The following FOLH1 variants were observed in gnomAD, a reference collection of about 807,000 sequenced individuals.
The protein encoded by FOLH1 is glutamate carboxypeptidase 2.
In FOLH1, 54 loss-of-function variants were observed where a neutral mutation model predicts 93.9. The ratio of observed to expected loss-of-function variants is 0.57; its 90% CI spans 0.46 to 0.72. The LOEUF (loss-of-function observed/expected upper bound fraction) is 0.72. FOLH1 is among the 30% of genes least tolerant of loss of function. The pLI, the probability that FOLH1 is intolerant of heterozygous loss-of-function variation, is 0.00. For missense variants in FOLH1, 571 were observed against 892.5 expected, an observed-to-expected ratio of 0.64 and a Z score of 4.59; for synonymous variants, 249 against 303.6, an observed-to-expected ratio of 0.82 and a Z score of 1.87.
At chr11:49,160,690 C>T (rs1225841987) in intron 13 of FOLH1, among the ~76,000 whole-genome samples, 2 of 152,304 alleles carry the variant, frequency 1.3e-5, no homozygotes, top group East Asian at 3.9e-4. Context: ...GATCTGCCCT[C>T]CTCGGCCTCC....
At chr11:49,194,132 C>CAAAAAAAAAA (rs55656827) in intron 3 of FOLH1, among the ~76,000 whole-genome samples, 3 of 71,578 alleles carry the variant, frequency 4.2e-5, no homozygotes, top group Admixed American at 1.9e-4. Context: ...GCCTGGGTGA[C>CAAAAAAAAAA]AAAAAAAAAA....
At position 49,186,789 on chromosome 11, in the gene FOLH1, C is replaced by T. The variant is rs1254124753; in HGVS notation, c.514-20G>A. On this transcript the variant is annotated intron_variant, in intron 4 of 18. Coordinates refer to ENST00000256999, the MANE Select transcript of FOLH1 (RefSeq NM_004476.3). ...ATCGCCCTGTTGAGATCGGGAATGA[C>T]TTAATATGAGTCAGATATAAAACAA... The T allele has an allele frequency of 2.5e-6, 4 of 1,570,148 alleles. No homozygotes were observed. The African/African-American group carries it at 4.1e-5, about 16-fold the overall frequency.
intron 15 of FOLH1, among the ~76,000 whole-genome samples, chr11:49,156,085 C>T (rs1391078721): frequency 6.6e-6 from 1 of 151,768 alleles, no homozygotes; most frequent in African/African-American, 2.4e-5. Context: ...TATATGCTCT[C>T]TTGCCTGCTG....
intron 11 of FOLH1, among the ~76,000 whole-genome samples, chr11:49,170,969 G>A (rs1478390172): frequency 6.6e-6 from 1 of 152,090 alleles, no homozygotes; most frequent in East Asian, 1.9e-4. Flanking sequence ...AATTAATTTT[G>A]ACAATTGACA....
chr11:49,177,043 C>T (rs1028522693), intron 7 of FOLH1, among the ~76,000 whole-genome samples: 6 of 152,290 alleles, frequency 3.9e-5, no homozygotes, highest in South Asian at 4.1e-4. Context: ...TGCCTGTACA[C>T]GGGTGCTTGT....
At chr11:49,206,477 T>C in intron 1 of FOLH1, 1 of 606,858 alleles carries the variant, frequency 1.6e-6, no homozygotes, top group East Asian at 3.3e-5. Context: ...CATTAATGTT[T>C]CAACTAATGG....
chr11:49,183,697 A>T (rs572898126), intron 6 of FOLH1, among the ~76,000 whole-genome samples: 1 of 152,300 alleles, frequency 6.6e-6, no homozygotes, highest in South Asian at 2.1e-4. Context: ...AAAAGAAAAA[A>T]ACTAATACAT....
intron 10 of FOLH1, among the ~76,000 whole-genome samples, chr11:49,171,712 G>C (rs1416383141): frequency 3.3e-5 from 5 of 151,946 alleles, no homozygotes; most frequent in Non-Finnish European, 7.4e-5. Flanking sequence ...CAGCTGGTCC[G>C]TATGATTTCA....
chr11:49,204,081 G>A (rs1320177128), intron 2 of FOLH1, among the ~76,000 whole-genome samples: 2 of 152,220 alleles, frequency 1.3e-5, no homozygotes, highest in Non-Finnish European at 2.9e-5. Flanking sequence ...ATGGGCCTGT[G>A]TATACTTCCC....
chr11:49,192,978 T>A, intron 3 of FOLH1, 84 bp from the exon 4 acceptor site: 1 of 1,208,422 alleles, frequency 8.3e-7, no homozygotes. Flanking sequence ...GAATATTATC[T>A]TTTATGTCAG....
At chr11:49,166,765 T>C (rs1858460275) in intron 12 of FOLH1, among the ~76,000 whole-genome samples, 1 of 152,240 alleles carries the variant, frequency 6.6e-6, no homozygotes, top group Non-Finnish European at 1.5e-5. Flanking sequence ...CCCAATCATA[T>C]AGTACCTCCT....
At position 49,153,841 on chromosome 11, in the gene FOLH1, C is replaced by T; in HGVS notation, c.1970+5G>A. On this transcript the variant is annotated splice_donor_5th_base_variant and intron_variant, in intron 17 of 18. Transcript: ENST00000256999. ...CACACATATGCACATATATGTAGAACATACTTGCTTTTGTCAAAGTCCTGG... is the reference window on the plus strand; with the variant it reads ...CACACATATGCACATATATGTAGAATATACTTGCTTTTGTCAAAGTCCTGG... The T allele has an allele frequency of 1.9e-6, 3 of 1,593,994 alleles. No individual in the cohort carries two copies. Among genetic ancestry groups the T allele is most frequent in the Non-Finnish European group, 2.6e-6 (3 of 1,168,742 alleles).
rs377453660 is a variant in FOLH1, at chr11:49,200,042, A to G, written c.411+213T>C. 7.9e-5 allele frequency among the ~76,000 whole-genome samples: 12 copies of G among 152,344 alleles called. No individual in the cohort carries two copies. In the East Asian group the frequency reaches 1.5e-3, roughly 20 times the overall value. ...TAAAAAACAGCAGCTGTTATCAAGC[A>G]TTAATTTCTCGAATCTTTCTAAAAC... On this transcript the variant is annotated intron_variant, in intron 3 of 18. Coordinates refer to ENST00000256999, the MANE Select transcript of FOLH1 (RefSeq NM_004476.3).
intron 7 of FOLH1, among the ~76,000 whole-genome samples, chr11:49,182,931 T>C (rs188880123): frequency 6.6e-6 from 1 of 152,268 alleles, no homozygotes; most frequent in African/African-American, 2.4e-5. Context: ...AAGTTAAACA[T>C]CTGAAAGGTT....
At chr11:49,160,272 T>A (rs1394147038) in intron 13 of FOLH1, among the ~76,000 whole-genome samples, 1 of 152,094 alleles carries the variant, frequency 6.6e-6, no homozygotes. Context: ...TTTCAAAAAA[T>A]CAGCTCCTGG....
At chr11:49,174,154 G>A (rs1382470830) in intron 9 of FOLH1, among the ~76,000 whole-genome samples, 1 of 152,032 alleles carries the variant, frequency 6.6e-6, no homozygotes, top group Non-Finnish European at 1.5e-5. Context: ...TAGGTACTCG[G>A]TATTATTCAA....
chr11:49,205,563 C>G (rs1024704492), intron 2 of FOLH1, among the ~76,000 whole-genome samples: 1 of 152,180 alleles, frequency 6.6e-6, no homozygotes, highest in African/African-American at 2.4e-5. Context: ...AACTGAAATG[C>G]AATATCTTTC....
chr11:49,165,038 G>T (rs61886493), intron 12 of FOLH1, among the ~76,000 whole-genome samples: 6,017 of 152,138 alleles, frequency 0.04, 140 homozygotes, highest in Non-Finnish European at 0.051. Flanking sequence ...TGCACACACT[G>T]TCCTTCCAGC....
chr11:49,191,075 G>A (rs1335570682), intron 4 of FOLH1, among the ~76,000 whole-genome samples: 3 of 152,242 alleles, frequency 2.0e-5, no homozygotes, highest in African/African-American at 7.2e-5. Context: ...CAGGAGGCGC[G>A]ATCTCGGCTC....
Sources: allele counts gnomAD v4.1 joint callset (sites outside exome capture counted in the v4.1 genomes callset), GRCh38; gene constraint gnomAD v4.1.1; transcripts MANE v1.5; gene names NCBI Gene and HGNC (gene_info 2026-07-23, HGNC 2026-07-21).